The following CWC27 variants were observed in gnomAD, a reference collection of about 807,000 sequenced individuals.
The protein encoded by CWC27 is spliceosome-associated protein CWC27 homolog.
A neutral mutation model predicts 63.6 loss-of-function variants in CWC27; 47 were observed. That is an observed-to-expected ratio of 0.74 (90% confidence interval 0.58 to 0.94). The LOEUF is 0.94. Ranked by LOEUF, CWC27 falls within the 40% of genes least tolerant of loss-of-function variation. The pLI is 0.00. For synonymous variants in CWC27, 175 were observed against 179.8 expected (o/e 0.97, Z 0.22); for missense variants, 495 against 554.3 (o/e 0.89, Z 1.07).
chr5:64,980,923 C>T (rs538692425), intron 13 of CWC27, among the ~76,000 whole-genome samples: 1 of 152,280 alleles, frequency 6.6e-6, no homozygotes, highest in South Asian at 2.1e-4. Context: ...GAAACCCCAT[C>T]TCTACTAAAA....
At chr5:64,992,754 C>T (rs962486939) in intron 13 of CWC27, among the ~76,000 whole-genome samples, 1 of 151,076 alleles carries the variant, frequency 6.6e-6, no homozygotes, top group South Asian at 2.1e-4. Context: ...AGGATGGTCT[C>T]GATCTCCTGA....
intron 10 of CWC27, among the ~76,000 whole-genome samples, chr5:64,847,663 A>C (rs536352800): frequency 1.3e-5 from 2 of 152,328 alleles, no homozygotes; most frequent in African/African-American, 4.8e-5. Context: ...GATGATTCAA[A>C]TTATATTAAG....
chr5:64,919,437 T>C (rs923776654), intron 11 of CWC27, among the ~76,000 whole-genome samples: 4 of 152,198 alleles, frequency 2.6e-5, no homozygotes, highest in Admixed American at 1.3e-4. Context: ...AGGCTTGGTG[T>C]ACACATGATC....
chr5:64,977,426 A>G (rs1749247807), intron 13 of CWC27, among the ~76,000 whole-genome samples, 188 bp downstream of exon 13: 1 of 152,220 alleles, frequency 6.6e-6, no homozygotes, highest in South Asian at 2.1e-4. Context: ...CAAGCACTGA[A>G]GAAACAAGCA....
chr5:64,976,280 G>A (rs1311245), intron 12 of CWC27, among the ~76,000 whole-genome samples: 68,417 of 151,684 alleles, frequency 0.45, 15,586 homozygotes, highest in African/African-American at 0.48. Context: ...TACTCAGTCA[G>A]GGGGAATGAT....
At chr5:64,805,795 T>G (rs775132435) in intron 10 of CWC27, among the ~76,000 whole-genome samples, 18 of 152,070 alleles carry the variant, frequency 1.2e-4, no homozygotes, top group Non-Finnish European at 2.1e-4. Context: ...CTTTCATAAG[T>G]GTCTTTAAAA....
intron 11 of CWC27, among the ~76,000 whole-genome samples, chr5:64,915,666 G>C (rs1177943567): frequency 6.6e-6 from 1 of 152,066 alleles, no homozygotes; most frequent in African/African-American, 2.4e-5. Flanking sequence ...GCCTTCTCTG[G>C]TTGGCCCTGT....
chr5:64,799,602 A>ATATATATATATATATATATATATATATT (rs143997810), intron 7 of CWC27, among the ~76,000 whole-genome samples: 2 of 132,890 alleles, frequency 1.5e-5, no homozygotes, highest in African/African-American at 2.9e-5. Flanking sequence ...ATATATATAT[A>ATATATATATATATATATATATATATATT]CTTAATAGCA....
At chr5:64,846,267 T>C (rs976968095) in intron 10 of CWC27, among the ~76,000 whole-genome samples, 3 of 152,208 alleles carry the variant, frequency 2.0e-5, no homozygotes, top group Non-Finnish European at 4.4e-5. Flanking sequence ...GTAATAATGG[T>C]GCATAAGGCA....
intron 13 of CWC27, among the ~76,000 whole-genome samples, chr5:64,988,729 G>A (rs1749482225): frequency 1.3e-5 from 2 of 151,588 alleles, no homozygotes; most frequent in East Asian, 3.9e-4. Context: ...TCAGGCTCCT[G>A]AGTAGCTGGA....
intron 11 of CWC27, among the ~76,000 whole-genome samples, chr5:64,924,847 A>G (rs964041999): frequency 1.3e-5 from 2 of 152,124 alleles, no homozygotes; most frequent in East Asian, 3.9e-4. Context: ...TAGAAATTTT[A>G]TGTAAAGCAT....
chr5:64,773,220 T>G (rs75588363), intron 1 of CWC27, among the ~76,000 whole-genome samples: 79 of 152,304 alleles, frequency 5.2e-4, no homozygotes, highest in African/African-American at 1.9e-3. Context: ...TAAATATATA[T>G]TGTGTCTTGA....
intron 13 of CWC27, among the ~76,000 whole-genome samples, chr5:65,004,403 G>GC (rs1408918837): frequency 7.9e-6 from 1 of 127,126 alleles, no homozygotes; most frequent in Non-Finnish European, 1.6e-5. Context: ...TTTTTTGGTG[G>GC]GGGGGTGGTC....
chr5:65,015,932 C>A (rs1043259044), intron 13 of CWC27, among the ~76,000 whole-genome samples: 1 of 152,168 alleles, frequency 6.6e-6, no homozygotes, highest in African/African-American at 2.4e-5. Context: ...AGCCGACAGG[C>A]CAACTTTCAA....
intron 1 of CWC27, 133 bp downstream of exon 1, chr5:64,769,321 T>C: frequency 1.3e-6 from 1 of 750,010 alleles, no homozygotes. Context: ...TACTCCTGCA[T>C]GTGGACAATG....
intron 11 of CWC27, among the ~76,000 whole-genome samples, chr5:64,970,152 G>T (rs1167271523): frequency 6.6e-6 from 1 of 151,902 alleles, no homozygotes; most frequent in Non-Finnish European, 1.5e-5. Flanking sequence ...TCTAACTACT[G>T]TAGGATAAGA....
intron 7 of CWC27, among the ~76,000 whole-genome samples, chr5:64,796,002 CGTGTGTGTGTGTGTGT>C (rs56699605): frequency 4.4e-5 from 6 of 135,772 alleles, no homozygotes; most frequent in African/African-American, 1.6e-4. Context: ...AGAAATTGTG[CGTGTGTGTGTGTGTGT>C]GTGTGTGTGT....
At chr5:64,984,967 A>G (rs1350518895) in intron 13 of CWC27, among the ~76,000 whole-genome samples, 1 of 152,164 alleles carries the variant, frequency 6.6e-6, no homozygotes, top group Non-Finnish European at 1.5e-5. Context: ...AAATTTTTGT[A>G]TAAGGTATGA....
At chr5:64,910,099 C>T (rs1163390060) in intron 11 of CWC27, among the ~76,000 whole-genome samples, 1 of 152,164 alleles carries the variant, frequency 6.6e-6, no homozygotes, top group Non-Finnish European at 1.5e-5. Flanking sequence ...TGGTGACCTA[C>T]AGATGGGATT....
Sources: allele counts gnomAD v4.1 joint callset (sites outside exome capture counted in the v4.1 genomes callset), GRCh38; gene constraint gnomAD v4.1.1; transcripts MANE v1.5; gene names NCBI Gene and HGNC (gene_info 2026-07-23, HGNC 2026-07-21).